The following ADAMTS6 variants were observed in gnomAD, a reference collection of about 807,000 sequenced individuals.
The protein encoded by ADAMTS6 is A disintegrin and metalloproteinase with thrombospondin motifs 6.
Under a neutral mutation model 144.3 loss-of-function variants are expected in ADAMTS6, and 23 were observed. The observed-to-expected ratio is 0.16, with a 90% CI of 0.11 to 0.23. The LOEUF (loss-of-function observed/expected upper bound fraction) is 0.23. Ranked by LOEUF, ADAMTS6 falls within the 10% of genes least tolerant of loss-of-function variation. The pLI, the probability that ADAMTS6 is intolerant of heterozygous loss-of-function variation, is 1.00. For synonymous variants in ADAMTS6, 444 were observed against 457.5 expected (o/e 0.97, Z 0.38); for missense variants, 999 against 1,379.6 (o/e 0.72, Z 4.37).
intron 1 of ADAMTS6, among the ~76,000 whole-genome samples, chr5:65,478,911 A>G (rs576946734): frequency 6.6e-5 from 10 of 152,354 alleles, no homozygotes; most frequent in African/African-American, 2.4e-4. Context: ...AAAAATGATG[A>G]GACAACTTGC....
At chr5:65,339,989 G>A (rs1459619170) in intron 7 of ADAMTS6, among the ~76,000 whole-genome samples, 1 of 152,086 alleles carries the variant, frequency 6.6e-6, no homozygotes, top group African/African-American at 2.4e-5. Context: ...GGAAAGAGAT[G>A]GACTTCCAAA....
At chr5:65,452,649 C>T (rs1020632544) in intron 5 of ADAMTS6, 58 bp downstream of exon 5, 9 of 1,565,468 alleles carry the variant, frequency 5.7e-6, no homozygotes, top group Middle Eastern at 1.7e-4. Flanking sequence ...AATTTATGAC[C>T]TTAGTCAAAA....
intron 11 of ADAMTS6, 126 bp from the exon 12 acceptor site, chr5:65,273,573 C>T: frequency 3.0e-6 from 2 of 667,956 alleles, no homozygotes; most frequent in East Asian, 2.6e-5. Context: ...GCTGAAGCAT[C>T]GCAGTTGAGG....
At chr5:65,396,893 G>A (rs1753384567) in intron 7 of ADAMTS6, among the ~76,000 whole-genome samples, 1 of 152,208 alleles carries the variant, frequency 6.6e-6, no homozygotes, top group African/African-American at 2.4e-5. Flanking sequence ...TCTATCTTCT[G>A]AGAGATTGTA....
At chr5:65,243,483 T>C (rs66607903) in intron 14 of ADAMTS6, among the ~76,000 whole-genome samples, 12,109 of 152,222 alleles carry the variant, frequency 0.08, 535 homozygotes, top group East Asian at 0.11. Flanking sequence ...CACTCTGTTA[T>C]GAGCCCTGCA....
At chr5:65,163,871 C>A (rs1396139831) in intron 24 of ADAMTS6, among the ~76,000 whole-genome samples, 2 of 152,132 alleles carry the variant, frequency 1.3e-5, no homozygotes, top group Admixed American at 6.5e-5. Flanking sequence ...CACGTAGTAG[C>A]ATTCAAGCAA....
chr5:65,394,111 T>A (rs1580588200), intron 7 of ADAMTS6, among the ~76,000 whole-genome samples: 2 of 152,172 alleles, frequency 1.3e-5, no homozygotes, highest in East Asian at 3.9e-4. Context: ...AGAGGCAGGA[T>A]CTATGTTTCT....
In ADAMTS6 at chr5:65,385,441, C is replaced by T. The variant is rs1752404231; in HGVS notation, c.1074-51356G>A. ...CTTTGCGATTTTTTAACTGGGTCTT[C>T]ATGATCTTGGGTAATCTCCTTTGTA... On this transcript the variant is annotated intron_variant, in intron 7 of 24. Transcript: ENST00000381055. Among the ~76,000 whole-genome samples the T allele has an allele frequency of 2.0e-5, 3 of 152,272 alleles. No individual in the cohort carries two copies. In the South Asian group the frequency reaches 6.2e-4, roughly 32 times the overall value.
chr5:65,254,381 A>G (rs1760476084), intron 14 of ADAMTS6, among the ~76,000 whole-genome samples: 1 of 152,222 alleles, frequency 6.6e-6, no homozygotes, highest in Non-Finnish European at 1.5e-5. Context: ...TAAAACAAAA[A>G]GAAAAAATTC....
At position 65,188,070 on chromosome 5, in the gene ADAMTS6, C is replaced by A. The variant is rs1179044795; in HGVS notation, c.2856G>T (p.Glu952Asp). ...GCLTHRPVEK[E>D]PCNNQSCPPQ... ...GTGGACATGACTGGTTGTTGCAGGG[C>A]TCTTTTTCGACAGGCCGGTGTGTTA... is the stretch of plus-strand genomic sequence containing the variant. Residue 952 changes from glutamate to aspartate, a missense_variant, in exon 22 of 25, where the codon GAG (glutamate) becomes GAT (aspartate). Physicochemically the swap from Glu to Asp is conservative, Grantham distance 45 (BLOSUM62 2). Transcript: ENST00000381055. 13 of 1,614,028 alleles carry A rather than the reference C, an allele frequency of 8.1e-6. No individual in the cohort carries two copies. The highest frequency in any genetic ancestry group is 1.1e-5 in the Non-Finnish European group (13 of 1,180,016).
chr5:65,256,209 A>G (rs1760645324), intron 14 of ADAMTS6, among the ~76,000 whole-genome samples: 1 of 152,242 alleles, frequency 6.6e-6, no homozygotes, highest in Non-Finnish European at 1.5e-5. Flanking sequence ...CTTCAGCTGC[A>G]CTAGCAACAT....
chr5:65,199,398 A>G (rs754753859), intron 20 of ADAMTS6, among the ~76,000 whole-genome samples: 9 of 152,188 alleles, frequency 5.9e-5, no homozygotes, highest in Non-Finnish European at 7.4e-5. Context: ...AGTAGCCTTT[A>G]TTGCAAAAGC....
intron 18 of ADAMTS6, among the ~76,000 whole-genome samples, chr5:65,217,590 T>C (rs780095686): frequency 1.3e-5 from 2 of 152,114 alleles, no homozygotes; most frequent in African/African-American, 4.8e-5. Context: ...TTGAGTATTA[T>C]TGATGGAGAA....
intron 7 of ADAMTS6, among the ~76,000 whole-genome samples, chr5:65,428,523 A>T (rs1756743441): frequency 6.6e-6 from 1 of 152,222 alleles, no homozygotes. Flanking sequence ...GATCAGATTT[A>T]AAAGACTTCA....
chr5:65,397,819 G>A (rs1271252185), intron 7 of ADAMTS6, among the ~76,000 whole-genome samples: 1 of 149,536 alleles, frequency 6.7e-6, no homozygotes, highest in African/African-American at 2.5e-5. Context: ...AGAGGATGCA[G>A]TGAGCTATGA....
chr5:65,381,365 CTT>C (rs541774535), intron 7 of ADAMTS6, among the ~76,000 whole-genome samples: 22 of 141,094 alleles, frequency 1.6e-4, no homozygotes, highest in Admixed American at 1.4e-4. Flanking sequence ...AGGATTATAT[CTT>C]TTTTTTTTTT....
chr5:65,246,085 G>A (rs987215844), intron 14 of ADAMTS6, among the ~76,000 whole-genome samples: 6 of 152,126 alleles, frequency 3.9e-5, no homozygotes, highest in South Asian at 2.1e-4. Flanking sequence ...TCTCCAAAGC[G>A]GTCATACAAT....
At chr5:65,219,085 A>C (rs1019683616) in intron 18 of ADAMTS6, among the ~76,000 whole-genome samples, 5 of 152,200 alleles carry the variant, frequency 3.3e-5, no homozygotes, top group South Asian at 2.1e-4. Flanking sequence ...CGGAAAAAAA[A>C]CACACAGGAC....
intron 7 of ADAMTS6, among the ~76,000 whole-genome samples, chr5:65,416,996 T>G (rs1382570883): frequency 1.3e-5 from 2 of 151,980 alleles, no homozygotes; most frequent in Non-Finnish European, 2.9e-5. Flanking sequence ...ACTAGAAAAC[T>G]GAATTCAACA....
Sources: gnomAD v4.1 joint callset for allele counts (sites outside exome capture counted in the v4.1 genomes callset) on GRCh38, gnomAD v4.1.1 for gene constraint, MANE v1.5 for transcripts, NCBI Gene and HGNC (gene_info 2026-07-23, HGNC 2026-07-21) for gene names.